DDO: variants seen among roughly 807,000 people sequenced by gnomAD.
DDO encodes D-aspartate oxidase.
A neutral mutation model predicts 16.8 loss-of-function variants in DDO; 16 were observed. The ratio of observed to expected loss-of-function variants is 0.95; its 90% confidence interval spans 0.65 to 1.45. The LOEUF (loss-of-function observed/expected upper bound fraction) is 1.45, where lower values mean the gene tolerates loss of function less well. DDO is among the 40% of genes most tolerant of loss of function. DDO has a pLI of 0.00. For synonymous variants in DDO, 180 were observed against 167.2 expected (o/e 1.08, Z -0.59); for missense variants, 429 against 420.3 (o/e 1.02, Z -0.18).
intron 4 of DDO, among the ~76,000 whole-genome samples, chr6:110,395,621 CA>C (rs918818425): frequency 1.3e-5 from 2 of 152,020 alleles, no homozygotes; most frequent in African/African-American, 4.8e-5. Flanking sequence ...AAGTGATCAT[CA>C]CAGCAGTTCT....
At chr6:110,408,286 G>C in intron 3 of DDO, 48 bp downstream of exon 3, 1 of 1,557,554 alleles carries the variant, frequency 6.4e-7, no homozygotes, top group Non-Finnish European at 8.8e-7. Context: ...TCTAATGCCT[G>C]TTAAGATCAT....
At chr6:110,389,100 C>T (rs1235115155), downstream of DDO, among the ~76,000 whole-genome samples, 1 of 152,110 alleles carries the variant, frequency 6.6e-6, no homozygotes, top group Non-Finnish European at 1.5e-5. Flanking sequence ...ATTATCTTCA[C>T]CAATGTGAGT....
At chr6:110,402,016 A>C (rs1293999815) in intron 4 of DDO, among the ~76,000 whole-genome samples, 1 of 152,204 alleles carries the variant, frequency 6.6e-6, no homozygotes, top group African/African-American at 2.4e-5. Context: ...AACATGCAGG[A>C]CCTCAATCCG....
chr6:110,399,817 C>T (rs1431595948), intron 4 of DDO, among the ~76,000 whole-genome samples: 1 of 152,244 alleles, frequency 6.6e-6, no homozygotes, highest in East Asian at 1.9e-4. Context: ...CCCGCCGCAG[C>T]ACACCCTGTG....
At chr6:110,388,920 A>T (rs78178142), downstream of DDO, 8,236 of 487,190 alleles carry the variant, frequency 0.017, 81 homozygotes, top group Non-Finnish European at 0.02. Flanking sequence ...ACTTATATAA[A>T]CATTGAAATC....
Position 110,404,828 on chromosome 6 carries a change from G to T in DDO, c.404C>A (p.Ala135Asp), listed in dbSNP as rs139672790. ...KKFPQYVFGQAFTTLKCECPA... is the reference protein window; with the variant it reads ...KKFPQYVFGQDFTTLKCECPA... ...GCATTCACATTTCAGGGTTGTAAAAGCCTGACCAAACACATACTGGGGGAA... is the reference window on the plus strand; with the variant it reads ...GCATTCACATTTCAGGGTTGTAAAATCCTGACCAAACACATACTGGGGGAA... The change falls in exon 4 of 5, where the codon GCT becomes GAT. Residue 135 changes from alanine (A) to aspartate (D), a missense_variant. By Grantham distance (126) the Ala-to-Asp change is moderately radical. Transcript: ENST00000368924. The T allele has an allele frequency of 4.3e-5, 70 of 1,614,056 alleles. No individual in the cohort carries two copies. Among genetic ancestry groups the T allele is most frequent in the Admixed American group, 1.2e-4 (7 of 60,002 alleles).
chr6:110,402,677 A>G (rs1213511834), intron 4 of DDO, among the ~76,000 whole-genome samples: 1 of 152,222 alleles, frequency 6.6e-6, no homozygotes. Flanking sequence ...AATGGTTCTG[A>G]AAGAAAATAT....
chr6:110,414,305 C>T (rs928605109), intron 1 of DDO, among the ~76,000 whole-genome samples: 7 of 152,230 alleles, frequency 4.6e-5, no homozygotes, highest in Admixed American at 2.0e-4. Context: ...CCACTGTCAC[C>T]GGCCCCCTGT....
chr6:110,396,942 G>GT (rs559637832), intron 4 of DDO, among the ~76,000 whole-genome samples: 4 of 152,286 alleles, frequency 2.6e-5, no homozygotes, highest in South Asian at 4.1e-4. Context: ...GAGTTTTGTA[G>GT]TAATACTGAG....
At chr6:110,412,726 C>T (rs1278904950) in intron 2 of DDO, among the ~76,000 whole-genome samples, 1 of 152,256 alleles carries the variant, frequency 6.6e-6, no homozygotes, top group African/African-American at 2.4e-5. Context: ...TGGCCCCTTG[C>T]TGATGCTCAA....
At chr6:110,394,136 A>T (rs1462058105) in intron 4 of DDO, among the ~76,000 whole-genome samples, 1 of 150,732 alleles carries the variant, frequency 6.6e-6, no homozygotes, top group Non-Finnish European at 1.5e-5. Context: ...ATGGGGTCTC[A>T]CTCTGTCACC....
At chr6:110,389,274 G>A (rs1398582326), downstream of DDO, among the ~76,000 whole-genome samples, 1 of 152,172 alleles carries the variant, frequency 6.6e-6, no homozygotes, top group Non-Finnish European at 1.5e-5. Context: ...GGGCATTCAG[G>A]CTTGGACTAG....
At position 110,392,179 on chromosome 6, in the gene DDO, G is replaced by A. The variant is rs144666061; in HGVS notation, c.*596C>T. 1.7e-4 allele frequency: 168 copies of A among 985,310 alleles called. No homozygotes were observed. In the African/African-American group the frequency reaches 2.8e-3, roughly 16 times the overall value. The allele number at this position is 985,310 out of a possible 1,614,324, so 61.0% of individuals were successfully genotyped here. ...CAATTAAATGTAATAATCCAGCACT[G>A]TGTGAGCACAATGTAATTTTATTTA... On this transcript the variant is annotated 3_prime_UTR_variant, in exon 5 of 5. Transcript: ENST00000368924.
At chr6:110,404,695 AG>A in intron 4 of DDO, 78 bp downstream of exon 4, 1 of 1,487,530 alleles carries the variant, frequency 6.7e-7, no homozygotes. Context: ...GAGACTTTTC[AG>A]TATGTATTTT....
At position 110,393,150 on chromosome 6, in the gene DDO, A is replaced by G. The variant is rs757364902; in HGVS notation, c.651T>C (p.Asp217=). ...QAPWVEHFIR[D]GSGLTYIYPG... is the part of the protein sequence containing the mutation. Reference sequence around the variant, plus strand: ...GATAAATATATGTCAGCCCACTGCCATCTCGGATAAAATGCTCCACCCAGG... The same window carrying G: ...GATAAATATATGTCAGCCCACTGCCGTCTCGGATAAAATGCTCCACCCAGG... Residue 217 remains aspartate, a synonymous_variant, in exon 5 of 5, where the codon GAT becomes GAC. Transcript: ENST00000368924. 4 of 1,614,078 alleles carry G rather than the reference A, an allele frequency of 2.5e-6. No individual in the cohort carries two copies. The Admixed American group carries it at 5.0e-5, about 20-fold the overall frequency.
At chr6:110,407,488 C>CA (rs1361496326) in intron 3 of DDO, among the ~76,000 whole-genome samples, 1 of 151,990 alleles carries the variant, frequency 6.6e-6, no homozygotes, top group South Asian at 2.1e-4. Context: ...ACTAGACTAG[C>CA]AAAAAACCCC....
chr6:110,400,514 C>A (rs952306353), intron 4 of DDO, among the ~76,000 whole-genome samples: 3 of 152,196 alleles, frequency 2.0e-5, no homozygotes, highest in African/African-American at 7.2e-5. Flanking sequence ...GCCTCTGCCC[C>A]CTTCTACAGT....
chr6:110,412,119 G>T (rs138865062), intron 2 of DDO, among the ~76,000 whole-genome samples: 1 of 152,062 alleles, frequency 6.6e-6, no homozygotes, highest in Non-Finnish European at 1.5e-5. Context: ...GGTGGCTCAT[G>T]CCTGTAGTCC....
At chr6:110,400,227 G>GGAA (rs1268078101) in intron 4 of DDO, among the ~76,000 whole-genome samples, 1 of 152,252 alleles carries the variant, frequency 6.6e-6, no homozygotes, top group Non-Finnish European at 1.5e-5. Flanking sequence ...TTTGGAAGCA[G>GGAA]GAAGAAGACA....
Sources: gnomAD v4.1 joint callset for allele counts (sites outside exome capture counted in the v4.1 genomes callset) on GRCh38, gnomAD v4.1.1 for gene constraint, MANE v1.5 for transcripts, NCBI Gene and HGNC (gene_info 2026-07-23, HGNC 2026-07-21) for gene names.